DTNA: variants seen among roughly 807,000 people sequenced by gnomAD.
DTNA encodes dystrophin-related protein 3.
Under a neutral mutation model 100.7 loss-of-function variants are expected in DTNA, and 43 were observed. That is an observed-to-expected ratio of 0.43 (90% CI 0.33 to 0.55). The LOEUF (loss-of-function observed/expected upper bound fraction) is 0.55, where lower values mean the gene tolerates loss of function less well. DTNA is among the 20% of genes least tolerant of loss of function. DTNA has a pLI of 0.04. For synonymous variants in DTNA, 349 were observed against 347.9 expected, an observed-to-expected ratio of 1.00 and a Z score of -0.04; for missense variants, 798 against 953.9, an observed-to-expected ratio of 0.84 and a Z score of 2.15.
At chr18:34,681,735 A>ACACACACTC (rs2145515350) in intron 1 of DTNA, among the ~76,000 whole-genome samples, 1 of 147,772 alleles carries the variant, frequency 6.8e-6, no homozygotes, top group African/African-American at 2.5e-5. Context: ...CACACACCCC[A>ACACACACTC]CACACACACA....
chr18:34,790,567 A>AT lies in DTNA; in HGVS notation c.149-3448dup, dbSNP rs1212453384. Among the ~76,000 whole-genome samples the AT allele has an allele frequency of 5.3e-4, 21 of 39,652 alleles. 1 individual carries two copies. The highest frequency in any genetic ancestry group is 1.3e-3 in the African/African-American group (14 of 10,992). The allele number at this position is 39,652 out of a possible 152,430, so 26.0% of individuals were successfully genotyped here. A position where few individuals can be genotyped will look rare whatever the true frequency, so the allele number is the denominator to read the frequency against. On this transcript the variant is annotated intron_variant, in intron 3 of 22. Coordinates refer to ENST00000444659, the MANE Select transcript of DTNA (RefSeq NM_001386795.1). ...CAGCATACTATATATATATATATAT[A>AT]TTTTTTTTTTTTTTTTTTTTTTGAG... is the stretch of plus-strand genomic sequence containing the variant.
chr18:34,685,460 G>A (rs948278826), intron 1 of DTNA, among the ~76,000 whole-genome samples: 18 of 152,176 alleles, frequency 1.2e-4, no homozygotes, highest in African/African-American at 2.2e-4. Flanking sequence ...GATGTGTGGC[G>A]TTATTTCTGA....
At chr18:34,686,798 C>CAATA (rs1164754076) in intron 1 of DTNA, among the ~76,000 whole-genome samples, 3 of 151,962 alleles carry the variant, frequency 2.0e-5, no homozygotes, top group Non-Finnish European at 2.9e-5. Context: ...TGGTGGTAGA[C>CAATA]TATTAATTAC....
intron 17 of DTNA, chr18:34,866,149 C>T (rs772375040): frequency 6.2e-7 from 1 of 1,614,202 alleles, no homozygotes; most frequent in East Asian, 2.2e-5. Context: ...ATGTCCCCTA[C>T]TGCAGGTCTT....
At chr18:34,687,707 T>A (rs1388488707) in intron 1 of DTNA, among the ~76,000 whole-genome samples, 1 of 152,216 alleles carries the variant, frequency 6.6e-6, no homozygotes, top group Non-Finnish European at 1.5e-5. Flanking sequence ...GTTAATCTTC[T>A]GTCTCATTGA....
rs546498496 is a variant in DTNA, at chr18:34,808,604, G to A, written c.448+2300G>A. ...GTAAGGGACTAGCAATGTCAGCACA[G>A]TTACAAAGTTCAAAATATAACTAAG... On this transcript the variant is annotated intron_variant, in intron 5 of 22. Transcript: ENST00000444659. 3.3e-5 allele frequency among the ~76,000 whole-genome samples: 5 copies of A among 152,322 alleles called. No individual in the cohort carries two copies. In the South Asian group the frequency reaches 1.0e-3, roughly 32 times the overall value.
intron 1 of DTNA, among the ~76,000 whole-genome samples, chr18:34,693,746 CTGTGTGTGTGTG>C (rs34072179): frequency 3.5e-4 from 50 of 143,190 alleles, no homozygotes; most frequent in Admixed American, 1.7e-3. Context: ...CTTGTGTGCA[CTGTGTGTGTGTG>C]TGTGTGTGTG....
intron 16 of DTNA, among the ~76,000 whole-genome samples, chr18:34,860,220 G>GTA (rs749839630): frequency 0.11 from 8,702 of 80,576 alleles, 736 homozygotes; most frequent in South Asian, 0.14. Flanking sequence ...CTAATTTTTT[G>GTA]TTTTTTTTTT....
intron 11 of DTNA, among the ~76,000 whole-genome samples, chr18:34,832,458 C>A (rs1160092602): frequency 6.6e-6 from 1 of 152,126 alleles, no homozygotes; most frequent in Non-Finnish European, 1.5e-5. Context: ...GTTCAGTAAC[C>A]TTTACTCTCC....
At chr18:34,866,103 T>C in intron 17 of DTNA, 5 of 1,614,140 alleles carry the variant, frequency 3.1e-6, no homozygotes, top group Non-Finnish European at 4.2e-6. Context: ...GATTCAATCT[T>C]TCTGTAGGAA....
intron 3 of DTNA, 30 bp downstream of exon 3, chr18:34,766,071 C>T (rs1203276072): frequency 3.7e-6 from 6 of 1,604,708 alleles, no homozygotes; most frequent in Non-Finnish European, 5.1e-6. Flanking sequence ...GGACTAATTA[C>T]CATCATGAAT....
chr18:34,778,405 CT>C (rs770665538), intron 3 of DTNA, among the ~76,000 whole-genome samples: 1 of 152,116 alleles, frequency 6.6e-6, no homozygotes, highest in African/African-American at 2.4e-5. Flanking sequence ...CATATTTTAT[CT>C]TTTTCTAGTT....
At chr18:34,747,707 T>C (rs2091826762) in intron 1 of DTNA, among the ~76,000 whole-genome samples, 1 of 152,220 alleles carries the variant, frequency 6.6e-6, no homozygotes, top group African/African-American at 2.4e-5. Context: ...TTCCAAGGTG[T>C]ATATGTATAC....
chr18:34,629,032 A>G (rs1185649512), intron 1 of DTNA, among the ~76,000 whole-genome samples: 4 of 152,174 alleles, frequency 2.6e-5, no homozygotes. Flanking sequence ...TAATTTCATG[A>G]GTTTAATAAT....
chr18:34,856,102 TAGGAGTG>T (rs941999960), intron 15 of DTNA, among the ~76,000 whole-genome samples: 2 of 151,878 alleles, frequency 1.3e-5, no homozygotes, highest in African/African-American at 4.9e-5. Context: ...AAAAAAGAAA[TAGGAGTG>T]AGAAGAGATG....
chr18:34,791,323 C>G (rs1241900365), intron 3 of DTNA, among the ~76,000 whole-genome samples: 1 of 152,096 alleles, frequency 6.6e-6, no homozygotes. Flanking sequence ...TCCACATCAT[C>G]CACAACCAGG....
intron 9 of DTNA, among the ~76,000 whole-genome samples, chr18:34,827,050 A>G (rs1217331669): frequency 6.6e-6 from 1 of 152,244 alleles, no homozygotes; most frequent in African/African-American, 2.4e-5. Context: ...CTAACTTCAT[A>G]TATCCTTGTG....
At chr18:34,673,367 TG>T (rs745435682) in intron 1 of DTNA, among the ~76,000 whole-genome samples, 1 of 152,162 alleles carries the variant, frequency 6.6e-6, no homozygotes, top group African/African-American at 2.4e-5. Context: ...CCCGAACTCC[TG>T]GGTTCAAGGG....
rs150499162 is a variant in DTNA, at chr18:34,883,407, G to A, written c.2295+1206G>A. Among the ~76,000 whole-genome samples the A allele has an allele frequency of 5.3e-3, 802 of 151,998 alleles. 10 individuals carry two copies. Among genetic ancestry groups the A allele is most frequent in the African/African-American group, 0.019 (776 of 41,426 alleles). On this transcript the variant is annotated intron_variant, in intron 21 of 22. Transcript: ENST00000444659. ...GCTCACTGCAGCCTCTAACTCCTGG[G>A]CACAAGCTATCCTCCCACCTCAGCC... is the stretch of plus-strand genomic sequence containing the variant.
Sources: gnomAD v4.1 joint callset for allele counts (sites outside exome capture counted in the v4.1 genomes callset) on GRCh38, gnomAD v4.1.1 for gene constraint, MANE v1.5 for transcripts, NCBI Gene and HGNC (gene_info 2026-07-23, HGNC 2026-07-21) for gene names.